The following MTERF4 variants were observed in gnomAD, a reference collection of about 807,000 sequenced individuals.
The protein encoded by MTERF4 is mitochondrial transcription termination factor 4, also known as transcription termination factor 4, mitochondrial.
A neutral mutation model predicts 22.5 loss-of-function variants in MTERF4; 17 were observed. That is an observed-to-expected ratio of 0.75 (90% CI 0.52 to 1.13). MTERF4 has a LOEUF of 1.13. Among genes scored for constraint, MTERF4 ranks in the 50% most tolerant of loss-of-function variants. The pLI, the probability that MTERF4 is intolerant of heterozygous loss-of-function variation, is 0.00. For synonymous variants in MTERF4, 165 were observed against 175.3 expected (o/e 0.94, Z 0.47); for missense variants, 420 against 466.8 (o/e 0.90, Z 0.92).
the MTERF4 span, among the ~76,000 whole-genome samples, chr2:241,056,891 A>G: frequency 6.6e-6 from 1 of 152,138 alleles, no homozygotes; most frequent in Non-Finnish European, 1.5e-5. Flanking sequence ...AAATAAGTGA[A>G]TGTTTTAAAA....
downstream of MTERF4, among the ~76,000 whole-genome samples, chr2:241,090,662 T>C (rs888146676): frequency 1.3e-5 from 2 of 151,754 alleles, no homozygotes; most frequent in African/African-American, 2.4e-5. Context: ...AGGCCAGGAG[T>C]TCGAGACCAG....
chr2:241,102,213 C>T, intron 1 of MTERF4, 40 bp downstream of exon 1: 2 of 1,548,022 alleles, frequency 1.3e-6, no homozygotes, highest in African/African-American at 1.4e-5. Context: ...GCCCGCCCGC[C>T]TGCGACCCGG....
At chr2:241,047,439 C>T in the MTERF4 span, among the ~76,000 whole-genome samples, 1 of 152,268 alleles carries the variant, frequency 6.6e-6, no homozygotes, top group East Asian at 1.9e-4. Flanking sequence ...GTTCATAGAA[C>T]ATGTACACAG....
At chr2:241,098,586 C>T (rs2125385737) in intron 2 of MTERF4, among the ~76,000 whole-genome samples, 1 of 152,290 alleles carries the variant, frequency 6.6e-6, no homozygotes, top group East Asian at 1.9e-4. Context: ...GAAGGGAAGG[C>T]CACTCCACGA....
At chr2:241,057,568 C>T in the MTERF4 span, among the ~76,000 whole-genome samples, 8 of 151,662 alleles carry the variant, frequency 5.3e-5, no homozygotes, top group Non-Finnish European at 1.2e-4. Context: ...CCTGTAGTCC[C>T]AACTACTCAA....
chr2:241,052,064 G>GC, the MTERF4 span: 1 of 1,613,880 alleles, frequency 6.2e-7, no homozygotes, highest in South Asian at 1.1e-5. Context: ...GTGTGCCTCT[G>GC]GCCCCTGTCA....
At chr2:241,069,072 A>C, downstream of MTERF4, 1 of 1,324,384 alleles carries the variant, frequency 7.6e-7, no homozygotes, top group Non-Finnish European at 1.0e-6. This position sits in a 1 kb window ranked among gnomAD's most constrained non-coding sequence, Gnocchi z 4.9. Context: ...GTCTTCTAGA[A>C]GCTCTGGCTT....
the MTERF4 span, among the ~76,000 whole-genome samples, chr2:241,057,411 A>G: frequency 4.0e-5 from 5 of 124,854 alleles, no homozygotes; most frequent in African/African-American, 1.7e-4. Flanking sequence ...ATATATATAT[A>G]TGCCATACGC....
At chr2:241,076,466 A>G (rs948798996) in intron 4 of MTERF4, among the ~76,000 whole-genome samples, 1 of 152,210 alleles carries the variant, frequency 6.6e-6, no homozygotes, top group Non-Finnish European at 1.5e-5. Flanking sequence ...ACCTTTGCAT[A>G]CTGACCTTAT....
intron 4 of MTERF4, among the ~76,000 whole-genome samples, chr2:241,078,199 G>A (rs527496067): frequency 1.9e-4 from 29 of 150,496 alleles, no homozygotes; most frequent in Admixed American, 7.3e-4. Context: ...TCTGGCCAAC[G>A]CGGTGAAACC....
the MTERF4 span, among the ~76,000 whole-genome samples, chr2:241,046,861 A>G: frequency 1.3e-5 from 2 of 152,142 alleles, no homozygotes; most frequent in Non-Finnish European, 2.9e-5. Context: ...AAAACCAAAA[A>G]GTAGCTGGCG....
chr2:241,091,027 T>C (rs1398091463), downstream of MTERF4, among the ~76,000 whole-genome samples: 1 of 152,190 alleles, frequency 6.6e-6, no homozygotes, highest in Admixed American at 6.5e-5. This position sits in a 1 kb window ranked among gnomAD's most constrained non-coding sequence, Gnocchi z 4.1. Context: ...GTTTGAGATA[T>C]TTATACGGTG....
chr2:241,091,528 G>A, downstream of MTERF4: 1 of 105,472 alleles, frequency 9.5e-6, no homozygotes, highest in East Asian at 3.9e-4. This position sits in a 1 kb window ranked among gnomAD's most constrained non-coding sequence, Gnocchi z 4.1. Context: ...GGGGTCCTCT[G>A]GGTGACAGAG....
At chr2:241,088,153 T>C (rs998926159), downstream of MTERF4, 1 of 555,960 alleles carries the variant, frequency 1.8e-6, no homozygotes, top group Admixed American at 3.3e-5. Flanking sequence ...TTTCTAGCCT[T>C]GTCATTCCTA....
chr2:241,057,088 A>G, the MTERF4 span, among the ~76,000 whole-genome samples: 1 of 151,918 alleles, frequency 6.6e-6, no homozygotes. Context: ...CAGTATAAAT[A>G]TTGAAATAGG....
At chr2:241,071,244 C>T (rs1029686849), downstream of MTERF4, among the ~76,000 whole-genome samples, 21 of 152,300 alleles carry the variant, frequency 1.4e-4, no homozygotes, top group African/African-American at 5.1e-4. Flanking sequence ...AGCCTGGGAC[C>T]TGAGTCCGAG....
At chr2:241,094,536 C>T, downstream of MTERF4, 4 of 372,502 alleles carry the variant, frequency 1.1e-5, no homozygotes, top group South Asian at 8.3e-5. The surrounding 1 kb of genome is among the most constrained non-coding windows in gnomAD (Gnocchi z 4.3). Flanking sequence ...AGGAACCCGG[C>T]TGAAAAACCA....
At chr2:241,070,938 T>C (rs1400510627), downstream of MTERF4, among the ~76,000 whole-genome samples, 1 of 152,190 alleles carries the variant, frequency 6.6e-6, no homozygotes, top group Non-Finnish European at 1.5e-5. Context: ...CCCGTGAGGC[T>C]GTGCTGGGGA....
Position 241,097,244 on chromosome 2 carries a change from T to C in MTERF4, c.704A>G (p.Gln235Arg). 1.2e-6 allele frequency: 2 copies of C among 1,613,708 alleles called. No homozygotes were observed. The highest frequency in any genetic ancestry group is 1.7e-6 in the Non-Finnish European group (2 of 1,179,802). ...EDLGQLEYKF[Q>R]YAYFRMGIKH... ...AATCACGCTATCAGTCATTCTCACC[T>C]GAAACTTGTATTCCAGTTGACCCAG... is the stretch of plus-strand genomic sequence containing the variant. The change falls in exon 3 of 4, where the codon CAG becomes CGG. Residue 235 changes from glutamine to arginine, a missense_variant and splice_region_variant. Coordinates refer to ENST00000391980, the MANE Select transcript of MTERF4 (RefSeq NM_182501.4).
Sources: gnomAD v4.1 joint callset for allele counts (sites outside exome capture counted in the v4.1 genomes callset) on GRCh38, gnomAD v4.1.1 for gene constraint, Gnocchi (gnomAD v3.1) non-coding constraint, MANE v1.5 for transcripts, NCBI Gene and HGNC (gene_info 2026-07-23, HGNC 2026-07-21) for gene names.